The following CNTLN variants were observed in gnomAD, a reference collection of about 807,000 sequenced individuals.
CNTLN encodes the protein centlein.
In CNTLN, 212 loss-of-function variants were observed where a neutral mutation model predicts 180.0. The observed-to-expected ratio is 1.18, with a 90% CI of 1.05 to 1.32. The LOEUF (loss-of-function observed/expected upper bound fraction) is 1.32. Among genes scored for constraint, CNTLN ranks in the 40% most tolerant of loss-of-function variants. The probability of loss-of-function intolerance (pLI) is 0.00; values close to 1 mark genes in which losing one functional copy is unlikely to be tolerated. For missense variants in CNTLN, 2,095 were observed against 1,610.9 expected, an observed-to-expected ratio of 1.30 and a Z score of -5.14; for synonymous variants, 722 against 563.1, an observed-to-expected ratio of 1.28 and a Z score of -3.99.
In CNTLN at chr9:17,202,646, G is replaced by GTTTTTTTTTTTTTTTTTTT. The variant is rs57960408; in HGVS notation, c.450-23551_450-23533dup. Among the ~76,000 whole-genome samples, 57 of 71,468 alleles carry GTTTTTTTTTTTTTTTTTTT rather than the reference G, an allele frequency of 8.0e-4. 1 individual carries two copies. The highest frequency in any genetic ancestry group is 1.2e-3 in the Non-Finnish European group (44 of 37,028). 46.9% of individuals were successfully genotyped at this position (71,468 alleles called of 152,430 possible). On this transcript the variant is annotated intron_variant, in intron 2 of 25. Coordinates refer to ENST00000380647, the MANE Select transcript of CNTLN (RefSeq NM_017738.4). ...ATCAGAGCCTAGGATTGCAACCTCT[G>GTTTTTTTTTTTTTTTTTTT]TTTTTTTTTTTTTTTTTTTTTTTTG...
chr9:17,500,196 T>C (rs1833668256), intron 25 of CNTLN, among the ~76,000 whole-genome samples: 1 of 152,092 alleles, frequency 6.6e-6, no homozygotes, highest in Non-Finnish European at 1.5e-5. Context: ...TGGCATACAG[T>C]TGTGTTTAAC....
In CNTLN at chr9:17,235,641, TA is replaced by T. The variant is rs201832695; in HGVS notation, c.535-14del. The T allele has an allele frequency of 1.5e-5, 22 of 1,450,166 alleles. No individual in the cohort carries two copies. The highest frequency in any genetic ancestry group is 3.7e-4 in the Middle Eastern group (2 of 5,428). 89.8% of individuals were successfully genotyped at this position (1,450,166 alleles called of 1,614,324 possible). ...TAGAAATAAAAGCTCACCAGTAATT[TA>T]AATTTTTTTCCACAGAGAGAGTCAG... is the stretch of plus-strand genomic sequence containing the variant. On this transcript the variant is annotated splice_polypyrimidine_tract_variant and intron_variant, in intron 3 of 25. Coordinates refer to ENST00000380647, the MANE Select transcript of CNTLN (RefSeq NM_017738.4).
At chr9:17,276,217 T>C (rs1167522455) in intron 6 of CNTLN, among the ~76,000 whole-genome samples, 1 of 152,086 alleles carries the variant, frequency 6.6e-6, no homozygotes, top group East Asian at 1.9e-4. Flanking sequence ...GGACTTTCTC[T>C]TGAATCCTCA....
intron 8 of CNTLN, among the ~76,000 whole-genome samples, chr9:17,324,404 T>C (rs1257914852): frequency 2.6e-5 from 4 of 152,182 alleles, no homozygotes; most frequent in East Asian, 1.9e-4. Context: ...AAGAAATTTA[T>C]AGAAAAATCA....
intron 2 of CNTLN, among the ~76,000 whole-genome samples, chr9:17,200,701 G>T (rs984664465): frequency 1.3e-5 from 2 of 152,172 alleles, no homozygotes; most frequent in African/African-American, 4.8e-5. Context: ...CTGAGACTTT[G>T]CTGAAGTTGC....
chr9:17,318,632 A>G (rs575363065), intron 8 of CNTLN, among the ~76,000 whole-genome samples: 2 of 152,322 alleles, frequency 1.3e-5, no homozygotes, highest in East Asian at 1.9e-4. Flanking sequence ...TTGAGGCAAG[A>G]AAGATTATTC....
chr9:17,512,879 C>G, the CNTLN span, among the ~76,000 whole-genome samples: 7 of 152,100 alleles, frequency 4.6e-5, no homozygotes, highest in East Asian at 3.9e-4. Flanking sequence ...TGTGGTGGCG[C>G]GATCTCAGCT....
intron 5 of CNTLN, among the ~76,000 whole-genome samples, chr9:17,247,912 C>T (rs1042651261): frequency 6.6e-6 from 1 of 151,074 alleles, no homozygotes; most frequent in African/African-American, 2.4e-5. Context: ...CTCACTGCCA[C>T]CTCTGCTTCC....
At chr9:17,141,409 A>G (rs1406308276) in intron 1 of CNTLN, among the ~76,000 whole-genome samples, 1 of 152,160 alleles carries the variant, frequency 6.6e-6, no homozygotes, top group Non-Finnish European at 1.5e-5. Flanking sequence ...AAGTGAGGGA[A>G]TACTCTATGT....
chr9:17,321,517 G>C (rs1292721380), intron 8 of CNTLN, among the ~76,000 whole-genome samples: 1 of 152,092 alleles, frequency 6.6e-6, no homozygotes, highest in African/African-American at 2.4e-5. Context: ...AACAATTGTA[G>C]GAAGTAGGAA....
intron 25 of CNTLN, among the ~76,000 whole-genome samples, chr9:17,500,617 C>T (rs1319657357): frequency 6.6e-6 from 1 of 152,126 alleles, no homozygotes; most frequent in African/African-American, 2.4e-5. Flanking sequence ...AGATCAGTGC[C>T]TGTTAGCCTT....
chr9:17,329,874 C>T (rs948166170), intron 8 of CNTLN, among the ~76,000 whole-genome samples: 1 of 151,372 alleles, frequency 6.6e-6, no homozygotes, highest in Admixed American at 6.6e-5. Context: ...TGTAAGTCAA[C>T]AAAAACTGTT....
At chr9:17,253,486 G>A (rs1826280958) in intron 5 of CNTLN, among the ~76,000 whole-genome samples, 1 of 151,206 alleles carries the variant, frequency 6.6e-6, no homozygotes, top group Non-Finnish European at 1.5e-5. Flanking sequence ...ACCCTCCTTG[G>A]TTAAATTTAA....
intron 25 of CNTLN, among the ~76,000 whole-genome samples, chr9:17,501,449 TTTCTC>T (rs1469007904): frequency 7.2e-5 from 11 of 152,234 alleles, no homozygotes; most frequent in African/African-American, 2.4e-5. Flanking sequence ...CAGCTAGTCT[TTTCTC>T]TTTTCTCCAG....
At chr9:17,184,308 T>C (rs1044830259) in intron 2 of CNTLN, among the ~76,000 whole-genome samples, 4 of 139,828 alleles carry the variant, frequency 2.9e-5, no homozygotes, top group African/African-American at 1.2e-4. Flanking sequence ...TAAACATGAA[T>C]ATTTGTTATA....
rs1478124648 is a variant in CNTLN, at chr9:17,236,399, T to C, written c.670-10T>C. ...TTTTATTTATTTGCCCTTGTGGTACTGTTCTACAGGACACTAAGGAGTGTG... is the reference window on the plus strand; with the variant it reads ...TTTTATTTATTTGCCCTTGTGGTACCGTTCTACAGGACACTAAGGAGTGTG... On this transcript the variant is annotated splice_polypyrimidine_tract_variant and intron_variant, in intron 4 of 25. Coordinates refer to ENST00000380647, the MANE Select transcript of CNTLN (RefSeq NM_017738.4). 2 of 1,560,358 alleles carry C rather than the reference T, an allele frequency of 1.3e-6. No individual in the cohort carries two copies. Among genetic ancestry groups the C allele is most frequent in the South Asian group, 1.2e-5 (1 of 81,700 alleles).
intron 18 of CNTLN, among the ~76,000 whole-genome samples, chr9:17,421,387 G>T (rs564695537): frequency 3.3e-5 from 5 of 151,870 alleles, no homozygotes; most frequent in African/African-American, 1.2e-4. Flanking sequence ...AGTATAGCTA[G>T]TCATGTTCTT....
chr9:17,340,562 G>T (rs1223591744), intron 10 of CNTLN, among the ~76,000 whole-genome samples: 2 of 152,134 alleles, frequency 1.3e-5, no homozygotes, highest in African/African-American at 4.8e-5. Context: ...TAACAACAGG[G>T]AAAGGAGTGA....
At chr9:17,315,373 T>G (rs995608842) in intron 8 of CNTLN, among the ~76,000 whole-genome samples, 1 of 152,114 alleles carries the variant, frequency 6.6e-6, no homozygotes, top group African/African-American at 2.4e-5. Flanking sequence ...AACAGTAGTG[T>G]GTCCTTTTTG....
Sources: gnomAD v4.1 joint callset for allele counts (sites outside exome capture counted in the v4.1 genomes callset) on GRCh38, gnomAD v4.1.1 for gene constraint, MANE v1.5 for transcripts, NCBI Gene and HGNC (gene_info 2026-07-23, HGNC 2026-07-21) for gene names.